ZNF148: variants seen among roughly 807,000 people sequenced by gnomAD.
ZNF148 encodes the protein zinc finger protein 148.
A neutral mutation model predicts 67.7 loss-of-function variants in ZNF148; 7 were observed. The observed-to-expected ratio is 0.10, with a 90% confidence interval of 0.06 to 0.19. ZNF148 has a LOEUF of 0.19. ZNF148 is among the 10% of genes least tolerant of loss of function. The pLI, the probability that ZNF148 is intolerant of heterozygous loss-of-function variation, is 1.00. For missense variants in ZNF148, 583 were observed against 947.1 expected (o/e 0.62, Z 5.05); for synonymous variants, 333 against 330.7 (o/e 1.01, Z -0.08).
intron 7 of ZNF148, among the ~76,000 whole-genome samples, chr3:125,265,532 G>T (rs560003799): frequency 7.2e-5 from 11 of 152,304 alleles, no homozygotes; most frequent in Admixed American, 6.5e-4. Flanking sequence ...AATGTCTGCA[G>T]AACAGGTAGA....
intron 7 of ZNF148, among the ~76,000 whole-genome samples, chr3:125,254,198 A>C (rs144501063): frequency 8.8e-4 from 134 of 152,136 alleles, no homozygotes; most frequent in Non-Finnish European, 1.5e-3. Context: ...CCCCTTTCTT[A>C]TGACTATGTA....
At chr3:125,237,856 A>G (rs2107521120) in intron 7 of ZNF148, among the ~76,000 whole-genome samples, 1 of 152,350 alleles carries the variant, frequency 6.6e-6, no homozygotes, top group Admixed American at 6.5e-5. Context: ...AGAATGAAGC[A>G]GGAGGACTTA....
intron 6 of ZNF148, among the ~76,000 whole-genome samples, chr3:125,278,624 T>C (rs1938202005): frequency 6.6e-6 from 1 of 152,186 alleles, no homozygotes; most frequent in East Asian, 1.9e-4. Flanking sequence ...TCTGGGACAC[T>C]ATTTTCCTAG....
intron 1 of ZNF148, among the ~76,000 whole-genome samples, chr3:125,373,344 G>A (rs1007799132): frequency 9.3e-5 from 14 of 150,374 alleles, no homozygotes; most frequent in Non-Finnish European, 1.8e-4. Context: ...GCTCGCCTCG[G>A]CCTCCCAAAG....
Position 125,292,949 on chromosome 3 carries a change from A to C in ZNF148, c.334-4721T>G, listed in dbSNP as rs377355034. On this transcript the variant is annotated intron_variant, in intron 4 of 8. Transcript: ENST00000360647. ...ATATGCATTATATCCAGTTATATTA[A>C]GCCAGATAATAAAGAGATATCAAAA... Among the ~76,000 whole-genome samples the C allele has an allele frequency of 1.1e-4, 16 of 152,340 alleles. No individual in the cohort carries two copies. In the East Asian group the frequency reaches 2.3e-3, roughly 22 times the overall value.
intron 1 of ZNF148, among the ~76,000 whole-genome samples, chr3:125,339,332 T>C (rs892418217): frequency 1.5e-4 from 23 of 152,244 alleles, no homozygotes; most frequent in African/African-American, 5.5e-4. Flanking sequence ...ATACAAGATT[T>C]TCAGTCTTTT....
chr3:125,330,216 G>A (rs1941225199), intron 2 of ZNF148, among the ~76,000 whole-genome samples: 2 of 152,132 alleles, frequency 1.3e-5, no homozygotes. Context: ...TATAATCCCA[G>A]CACTTTGGGA....
At chr3:125,270,071 C>G (rs1937650973) in intron 7 of ZNF148, among the ~76,000 whole-genome samples, 1 of 152,048 alleles carries the variant, frequency 6.6e-6, no homozygotes, top group African/African-American at 2.4e-5. Flanking sequence ...GCAATATCCC[C>G]TTGTAAGAAA....
At chr3:125,365,353 T>A (rs1210963230) in intron 1 of ZNF148, among the ~76,000 whole-genome samples, 1 of 152,204 alleles carries the variant, frequency 6.6e-6, no homozygotes, top group Non-Finnish European at 1.5e-5. Flanking sequence ...CCATCACTGC[T>A]TCTACTCACA....
chr3:125,239,748 A>G (rs553863776), intron 7 of ZNF148, among the ~76,000 whole-genome samples: 4 of 152,318 alleles, frequency 2.6e-5, no homozygotes, highest in East Asian at 3.9e-4. Context: ...CCAAAAGAGG[A>G]AACGGCCCAA....
intron 4 of ZNF148, 37 bp from the exon 5 acceptor site, chr3:125,288,265 T>A: frequency 1.9e-6 from 3 of 1,573,780 alleles, no homozygotes; most frequent in Non-Finnish European, 1.7e-6. Flanking sequence ...TAGACATAAA[T>A]AAAAAGTTCA....
chr3:125,293,440 A>AC (rs1939123663), intron 4 of ZNF148, among the ~76,000 whole-genome samples: 1 of 152,220 alleles, frequency 6.6e-6, no homozygotes, highest in African/African-American at 2.4e-5. Context: ...TCCAGAACTT[A>AC]GTTTCTAAAT....
intron 6 of ZNF148, among the ~76,000 whole-genome samples, chr3:125,278,393 C>G (rs1356735149): frequency 1.3e-5 from 2 of 152,130 alleles, no homozygotes; most frequent in Admixed American, 1.3e-4. Flanking sequence ...TACTTTCTCT[C>G]CTTCTCTTTC....
At chr3:125,336,676 C>CTTTT (rs1559765728) in intron 1 of ZNF148, among the ~76,000 whole-genome samples, 4 of 46,138 alleles carry the variant, frequency 8.7e-5, no homozygotes, top group Non-Finnish European at 1.7e-4. Flanking sequence ...CCAGAAATCA[C>CTTTT]CTTTTTTTTT....
intron 4 of ZNF148, among the ~76,000 whole-genome samples, chr3:125,293,970 G>A (rs767751418): frequency 2.0e-5 from 3 of 152,238 alleles, no homozygotes; most frequent in African/African-American, 7.2e-5. Context: ...TCTACAGTGG[G>A]GAAACCTGGC....
intron 7 of ZNF148, among the ~76,000 whole-genome samples, chr3:125,265,756 T>C (rs891208463): frequency 2.6e-5 from 4 of 152,220 alleles, no homozygotes; most frequent in African/African-American, 9.6e-5. Context: ...AGTTCCTCCA[T>C]TATGTAAGTA....
rs896453330 is a variant in ZNF148, at chr3:125,271,553, A to C, written c.667+6173T>G. Among the ~76,000 whole-genome samples the C allele has an allele frequency of 3.3e-5, 5 of 152,336 alleles. No homozygotes were observed. The East Asian group carries it at 9.6e-4, about 29-fold the overall frequency. On this transcript the variant is annotated intron_variant, in intron 7 of 8. Transcript: ENST00000360647. ...TCAACAGCATATTGGTTAAGGGCAC[A>C]AACTTCGAAGAGCTAGATTGTTATT...
intron 1 of ZNF148, among the ~76,000 whole-genome samples, chr3:125,347,126 A>C (rs1052157890): frequency 6.6e-6 from 1 of 152,230 alleles, no homozygotes; most frequent in African/African-American, 2.4e-5. Context: ...ACTTGGTAAT[A>C]AATTTAACAA....
At chr3:125,361,131 T>C (rs1428218907) in intron 1 of ZNF148, among the ~76,000 whole-genome samples, 2 of 152,164 alleles carry the variant, frequency 1.3e-5, no homozygotes, top group Admixed American at 6.5e-5. Context: ...CTATCAACTC[T>C]TGCCCAATTA....
Sources: allele counts gnomAD v4.1 joint callset (sites outside exome capture counted in the v4.1 genomes callset), GRCh38; gene constraint gnomAD v4.1.1; transcripts MANE v1.5; gene names NCBI Gene and HGNC (gene_info 2026-07-23, HGNC 2026-07-21).